WWOX: variants seen among roughly 807,000 people sequenced by gnomAD.
The protein encoded by WWOX is WW domain containing oxidoreductase.
Under a neutral mutation model 46.2 loss-of-function variants are expected in WWOX, and 69 were observed. That is an observed-to-expected ratio of 1.49 (90% confidence interval 1.23 to 1.82). The LOEUF is 1.82. Ranked by LOEUF, WWOX falls within the 40% of genes most tolerant of loss-of-function variation. The pLI, the probability that WWOX is intolerant of heterozygous loss-of-function variation, is 0.00. For missense variants in WWOX, 919 were observed against 542.6 expected (o/e 1.69, Z -6.89); for synonymous variants, 359 against 202.6 (o/e 1.77, Z -6.56).
intron 4 of WWOX, among the ~76,000 whole-genome samples, chr16:78,156,321 T>C (rs7190335): frequency 0.077 from 11,741 of 152,192 alleles, 553 homozygotes; most frequent in East Asian, 0.25. Flanking sequence ...AAAATAAAAT[T>C]TGATAGAAAA....
intron 8 of WWOX, among the ~76,000 whole-genome samples, chr16:78,685,757 A>G (rs938705827): frequency 3.9e-5 from 6 of 152,284 alleles, no homozygotes; most frequent in Admixed American, 1.3e-4. Context: ...CCAAGGAGTA[A>G]GATCTTGGCT....
intron 8 of WWOX, among the ~76,000 whole-genome samples, chr16:79,015,186 T>C (rs2047388574): frequency 6.6e-6 from 1 of 152,138 alleles, no homozygotes; most frequent in Non-Finnish European, 1.5e-5. Flanking sequence ...CTAGGTATGG[T>C]CTTAGGCCCT....
At chr16:78,599,512 G>A (rs1261189887) in intron 8 of WWOX, among the ~76,000 whole-genome samples, 1 of 152,204 alleles carries the variant, frequency 6.6e-6, no homozygotes, top group African/African-American at 2.4e-5. Context: ...CCCCATGGAT[G>A]GCCCTGGTCA....
chr16:78,101,640 G>A (rs1025189705), intron 1 of WWOX, among the ~76,000 whole-genome samples: 3 of 152,048 alleles, frequency 2.0e-5, no homozygotes, highest in Non-Finnish European at 4.4e-5. Context: ...GATTTAATTG[G>A]TTTGGCCCCT....
At chr16:78,445,321 G>T (rs1391270064) in intron 8 of WWOX, among the ~76,000 whole-genome samples, 1 of 152,194 alleles carries the variant, frequency 6.6e-6, no homozygotes, top group Non-Finnish European at 1.5e-5. Context: ...GTAAATTGAT[G>T]GGTGGGCCAC....
chr16:78,973,897 T>G (rs1450350698), intron 8 of WWOX, among the ~76,000 whole-genome samples: 1 of 152,238 alleles, frequency 6.6e-6, no homozygotes, highest in African/African-American at 2.4e-5. Context: ...AAAATTTGCA[T>G]GTGTAGAATT....
chr16:78,452,554 C>T (rs2083718523), intron 8 of WWOX, among the ~76,000 whole-genome samples: 1 of 146,000 alleles, frequency 6.8e-6, no homozygotes, highest in Non-Finnish European at 1.5e-5. Flanking sequence ...TGGCTCATTG[C>T]AACCTCTGAC....
intron 8 of WWOX, among the ~76,000 whole-genome samples, chr16:78,678,330 C>T (rs1041841221): frequency 2.6e-5 from 4 of 152,130 alleles, no homozygotes; most frequent in East Asian, 3.9e-4. Context: ...AGGGTATGAG[C>T]GGGCCACTGC....
chr16:78,718,686 C>G (rs140125421), intron 8 of WWOX, among the ~76,000 whole-genome samples: 380 of 152,054 alleles, frequency 2.5e-3, no homozygotes, highest in African/African-American at 8.7e-3. Context: ...CCAGCCTGGC[C>G]AACATAGTGA....
At chr16:78,293,558 C>T (rs1274706300) in intron 5 of WWOX, among the ~76,000 whole-genome samples, 1 of 152,082 alleles carries the variant, frequency 6.6e-6, no homozygotes, top group East Asian at 1.9e-4. Flanking sequence ...AGGTTCTTTC[C>T]CCTCCCGTGC....
chr16:78,422,688 C>T (rs978782083), intron 6 of WWOX, among the ~76,000 whole-genome samples: 5,607 of 21,168 alleles, frequency 0.26, 885 homozygotes, highest in East Asian at 0.42. Flanking sequence ...TATATATACA[C>T]ACACACACAC....
chr16:78,672,363 G>A (rs192473072), intron 8 of WWOX, among the ~76,000 whole-genome samples: 74 of 152,292 alleles, frequency 4.9e-4, no homozygotes, highest in African/African-American at 1.7e-3. Context: ...CTATAGCCAA[G>A]TGCGATGATC....
rs565977010 is a variant in WWOX at position 78,616,241 on chromosome 16, C to G, written c.1056+183489C>G. On this transcript the variant is annotated intron_variant, in intron 8 of 8. Transcript: ENST00000566780. ...GTGGTTTTTTTTTTAATTATATAAG[C>G]AAGTAGGATGTTTGTCTTAGTTTTT... Among the ~76,000 whole-genome samples, 49 of 151,830 alleles carry G rather than the reference C, an allele frequency of 3.2e-4. 1 individual carries two copies. The Middle Eastern group carries it at 0.01, about 32-fold the overall frequency.
intron 8 of WWOX, among the ~76,000 whole-genome samples, chr16:78,633,643 G>A (rs528973433): frequency 1.3e-5 from 2 of 152,268 alleles, no homozygotes; most frequent in South Asian, 4.2e-4. Flanking sequence ...ATTGCTGCAA[G>A]GCCCGCTTCT....
intron 8 of WWOX, among the ~76,000 whole-genome samples, chr16:78,505,079 C>T (rs1268529489): frequency 6.6e-6 from 1 of 152,078 alleles, no homozygotes; most frequent in Non-Finnish European, 1.5e-5. Flanking sequence ...CTGAATTTTT[C>T]TGAGCCGCCG....
intron 8 of WWOX, among the ~76,000 whole-genome samples, chr16:78,700,421 T>TGA (rs977827016): frequency 8.5e-5 from 13 of 152,132 alleles, no homozygotes; most frequent in African/African-American, 3.1e-4. Flanking sequence ...TTATTACTTC[T>TGA]GAGAGGCCCT....
At chr16:78,720,663 G>A (rs754045625) in intron 8 of WWOX, among the ~76,000 whole-genome samples, 2 of 151,948 alleles carry the variant, frequency 1.3e-5, no homozygotes, top group Non-Finnish European at 2.9e-5. Flanking sequence ...ATGAGGCTCT[G>A]ACTATATAAC....
intron 5 of WWOX, among the ~76,000 whole-genome samples, chr16:78,384,595 T>C (rs1406765415): frequency 6.6e-6 from 1 of 152,134 alleles, no homozygotes; most frequent in African/African-American, 2.4e-5. Context: ...CGTCACCTTA[T>C]AGCAGACCCT....
chr16:78,582,412 T>C (rs1430205087), intron 8 of WWOX, among the ~76,000 whole-genome samples: 1 of 152,232 alleles, frequency 6.6e-6, no homozygotes, highest in Non-Finnish European at 1.5e-5. Context: ...TCAATTTTTC[T>C]TAAATGTAGA....
Sources: allele counts gnomAD v4.1 joint callset (sites outside exome capture counted in the v4.1 genomes callset), GRCh38; gene constraint gnomAD v4.1.1; transcripts MANE v1.5; gene names NCBI Gene and HGNC (gene_info 2026-07-23, HGNC 2026-07-21).